The following ANO3 variants were observed in gnomAD, a reference collection of about 807,000 sequenced individuals.
The protein encoded by ANO3 is anoctamin-3.
In ANO3, 99 loss-of-function variants were observed where a neutral mutation model predicts 144.8. The observed-to-expected ratio is 0.68, with a 90% CI of 0.58 to 0.81. ANO3 has a LOEUF of 0.81. ANO3 is among the 30% of genes least tolerant of loss of function. The pLI is 0.00. For synonymous variants in ANO3, 414 were observed against 392.6 expected (o/e 1.05, Z -0.64); for missense variants, 905 against 1,202.2 (o/e 0.75, Z 3.66).
chr11:26,322,028 A>G (rs150276396), intron 1 of ANO3, among the ~76,000 whole-genome samples: 1 of 152,040 alleles, frequency 6.6e-6, no homozygotes, highest in African/African-American at 2.4e-5. Context: ...ATGTCTTCTT[A>G]TAATGTTATT....
chr11:26,433,381 C>A (rs10767533), intron 1 of ANO3, among the ~76,000 whole-genome samples: 145,499 of 152,178 alleles, frequency 0.96, 69,727 homozygotes, highest in East Asian at 1. Context: ...AGTTCCCTTT[C>A]TTTCTTTCTC....
At chr11:26,382,661 G>C (rs936902820) in intron 1 of ANO3, among the ~76,000 whole-genome samples, 1 of 152,062 alleles carries the variant, frequency 6.6e-6, no homozygotes, top group Non-Finnish European at 1.5e-5. Context: ...GCCCACTTCT[G>C]TCTGTTCGCA....
At chr11:26,358,328 C>T (rs748918990) in intron 1 of ANO3, among the ~76,000 whole-genome samples, 40 of 152,044 alleles carry the variant, frequency 2.6e-4, no homozygotes, top group Non-Finnish European at 4.7e-4. Flanking sequence ...CACGCCACCA[C>T]GCACGGCTAA....
At chr11:26,518,090 A>C (rs1299229598) in intron 6 of ANO3, among the ~76,000 whole-genome samples, 1 of 152,076 alleles carries the variant, frequency 6.6e-6, no homozygotes, top group African/African-American at 2.4e-5. Flanking sequence ...ATTTAAAAAA[A>C]GATAAATAAA....
intron 5 of ANO3, among the ~76,000 whole-genome samples, chr11:26,514,802 T>G (rs181273735): frequency 7.2e-5 from 11 of 151,982 alleles, no homozygotes; most frequent in Admixed American, 6.6e-4. Context: ...GATGAAGGAG[T>G]CATTCAAATA....
chr11:26,387,398 T>G (rs1206515182), intron 1 of ANO3, among the ~76,000 whole-genome samples: 1 of 152,078 alleles, frequency 6.6e-6, no homozygotes, highest in African/African-American at 2.4e-5. Flanking sequence ...TGTAATCTGT[T>G]TAAATCCAGT....
At chr11:26,512,802 A>G (rs17309104) in intron 5 of ANO3, among the ~76,000 whole-genome samples, 16,872 of 152,226 alleles carry the variant, frequency 0.11, 1,312 homozygotes, top group Admixed American at 0.16. Flanking sequence ...CAAGCTGTTC[A>G]TGATGCTAAT....
chr11:26,578,928 T>A (rs183149981), intron 14 of ANO3, among the ~76,000 whole-genome samples: 5 of 152,326 alleles, frequency 3.3e-5, no homozygotes, highest in African/African-American at 1.2e-4. Flanking sequence ...CCATAACTGA[T>A]TAATTCCTGT....
At chr11:26,333,564 G>C (rs766756744) in intron 1 of ANO3, among the ~76,000 whole-genome samples, 1 of 152,134 alleles carries the variant, frequency 6.6e-6, no homozygotes, top group Non-Finnish European at 1.5e-5. Context: ...TTACAGGTGT[G>C]AGCCACTGTA....
chr11:26,610,834 A>C (rs1239707840), intron 17 of ANO3, among the ~76,000 whole-genome samples: 1 of 152,118 alleles, frequency 6.6e-6, no homozygotes, highest in African/African-American at 2.4e-5. Context: ...TGGAGTGTCC[A>C]GATCTTCTGT....
chr11:26,211,000 A>G (rs1046382734), intron 1 of ANO3, among the ~76,000 whole-genome samples: 2 of 152,050 alleles, frequency 1.3e-5, no homozygotes, highest in Non-Finnish European at 2.9e-5. Context: ...CCCTGGACCA[A>G]GTGTATCTAA....
In ANO3 at chr11:26,589,463, C is replaced by T. The variant is rs1012128910; in HGVS notation, c.1448-8902C>T. 1.8e-4 allele frequency among the ~76,000 whole-genome samples: 27 copies of T among 149,354 alleles called. 1 individual carries two copies. Among genetic ancestry groups the T allele is most frequent in the Non-Finnish European group, 5.9e-5 (4 of 67,698 alleles). On this transcript the variant is annotated intron_variant, in intron 14 of 26. Coordinates refer to ENST00000256737, the MANE Select transcript of ANO3 (RefSeq NM_031418.4). Reference sequence around the variant, plus strand: ...AAATAATTTATTGGAATATAATTTGCACCCATTTAAAGTGTCCAATTCAAT... The same window carrying T: ...AAATAATTTATTGGAATATAATTTGTACCCATTTAAAGTGTCCAATTCAAT...
At chr11:26,402,358 T>C (rs767081985) in intron 1 of ANO3, among the ~76,000 whole-genome samples, 9 of 152,092 alleles carry the variant, frequency 5.9e-5, no homozygotes, top group Non-Finnish European at 1.2e-4. Context: ...GTTATCTCAT[T>C]GTGGTTTTGA....
At chr11:26,599,929 T>G (rs554092100) in intron 17 of ANO3, among the ~76,000 whole-genome samples, 1 of 152,152 alleles carries the variant, frequency 6.6e-6, no homozygotes, top group Non-Finnish European at 1.5e-5. Context: ...TTGTATTATC[T>G]TCCCTGCATT....
At chr11:26,488,004 A>G (rs113123266) in intron 4 of ANO3, among the ~76,000 whole-genome samples, 8,175 of 152,158 alleles carry the variant, frequency 0.054, 418 homozygotes, top group African/African-American at 0.13. Flanking sequence ...CATCTCTACT[A>G]AAAATACAAA....
chr11:26,205,578 G>T (rs545457015), intron 1 of ANO3, among the ~76,000 whole-genome samples: 20 of 152,224 alleles, frequency 1.3e-4, no homozygotes, highest in African/African-American at 4.6e-4. Context: ...GTCAGCTTTG[G>T]CCAGAGCAGT....
intron 7 of ANO3, among the ~76,000 whole-genome samples, chr11:26,530,896 CAAAA>C (rs944513309): frequency 1.3e-4 from 19 of 151,710 alleles, no homozygotes; most frequent in Non-Finnish European, 1.3e-4. Flanking sequence ...AAAACAAAAA[CAAAA>C]AATCTCTTTC....
At chr11:26,214,654 G>T (rs929297198) in intron 1 of ANO3, among the ~76,000 whole-genome samples, 1 of 151,834 alleles carries the variant, frequency 6.6e-6, no homozygotes, top group Admixed American at 6.6e-5. Context: ...TCAGAAAATA[G>T]TACAAAGAAT....
intron 1 of ANO3, among the ~76,000 whole-genome samples, chr11:26,338,822 CACATCTGA>C (rs1216746863): frequency 1.3e-5 from 2 of 151,860 alleles, no homozygotes; most frequent in South Asian, 2.1e-4. Flanking sequence ...AAACTCTGGA[CACATCTGA>C]ACATCTGAAG....
Sources: gnomAD v4.1 joint callset for allele counts (sites outside exome capture counted in the v4.1 genomes callset) on GRCh38, gnomAD v4.1.1 for gene constraint, MANE v1.5 for transcripts, NCBI Gene and HGNC (gene_info 2026-07-23, HGNC 2026-07-21) for gene names.